The following TMPO variants were observed in gnomAD, a reference collection of about 807,000 sequenced individuals.
The protein encoded by TMPO is thymopoietin.
TMPO carries 22 observed loss-of-function variants against 45.4 expected under a neutral mutation model. The ratio of observed to expected loss-of-function variants is 0.48; its 90% confidence interval spans 0.35 to 0.69. The LOEUF (loss-of-function observed/expected upper bound fraction) is 0.69, where lower values mean the gene tolerates loss of function less well. Among genes scored for constraint, TMPO ranks in the 30% least tolerant of loss-of-function variants. The probability of loss-of-function intolerance (pLI) is 0.01; values close to 1 mark genes in which losing one functional copy is unlikely to be tolerated. For missense variants in TMPO, 512 were observed against 548.8 expected (o/e 0.93, Z 0.67); for synonymous variants, 241 against 204.1 (o/e 1.18, Z -1.54).
chr12:98,533,947 C>T (rs1377835132), intron 3 of TMPO: 1 of 1,613,886 alleles, frequency 6.2e-7, no homozygotes, highest in South Asian at 1.1e-5. Context: ...TTGCAATCAG[C>T]AGTTGGACTT....
Position 98,547,650 on chromosome 12 carries a change from T to G in TMPO, c.1157T>G (p.Phe386Cys). Residue 386 changes from phenylalanine to cysteine, a missense_variant, in exon 9 of 9, where the codon TTT becomes TGT. This residue lies in a region of TMPO where 209 missense variants were observed against 235.1 expected (regional missense o/e 0.89). Coordinates refer to ENST00000556029, the MANE Select transcript of TMPO (RefSeq NM_001032283.3). ...ELSDFRMEES[F>C]SSKYVPKYVP... ...AGTGATTTCAGGATGGAGGAGTCTT[T>G]TTCATCTAAATATGTTCCTAAGTAT... The G allele has an allele frequency of 6.2e-7, 1 of 1,614,228 alleles. No individual in the cohort carries two copies. Among genetic ancestry groups the G allele is most frequent in the Non-Finnish European group, 8.5e-7 (1 of 1,180,034 alleles).
chr12:98,524,685 C>A (rs999574067), intron 1 of TMPO, among the ~76,000 whole-genome samples: 1 of 152,156 alleles, frequency 6.6e-6, no homozygotes, highest in African/African-American at 2.4e-5. Context: ...CCTCCGCCTC[C>A]CAGATTCAAG....
Position 98,550,136 on chromosome 12 carries a change from G to A in TMPO, c.*2278G>A, listed in dbSNP as rs1344724976. On this transcript the variant is annotated 3_prime_UTR_variant, in exon 9 of 9. Coordinates refer to ENST00000556029, the MANE Select transcript of TMPO (RefSeq NM_001032283.3). ...AGTATGGTCCAAATAGCAAAAATAG[G>A]ACCAGGTGAAACATGTAGTCATTTT... is the stretch of plus-strand genomic sequence containing the variant. 1 of 152,152 alleles carries A rather than the reference G, an allele frequency of 6.6e-6. No homozygotes were observed. The highest frequency in any genetic ancestry group is 2.4e-5 in the African/African-American group (1 of 41,446). The allele number at this position is 152,152 out of a possible 1,614,324, so 9.4% of individuals were successfully genotyped here. A position where few individuals can be genotyped will look rare whatever the true frequency, so the allele number is the denominator to read the frequency against.
chr12:98,536,750 C>G (rs1384679233), intron 3 of TMPO, among the ~76,000 whole-genome samples: 2 of 152,186 alleles, frequency 1.3e-5, no homozygotes, highest in African/African-American at 2.4e-5. Flanking sequence ...TTAAAAAATA[C>G]ATATCCTTGC....
At chr12:98,536,350 A>G (rs1405701502) in intron 3 of TMPO, among the ~76,000 whole-genome samples, 1 of 152,124 alleles carries the variant, frequency 6.6e-6, no homozygotes, top group Non-Finnish European at 1.5e-5. Context: ...AATGTCTACA[A>G]AAAGGGATTT....
At chr12:98,531,397 C>T (rs1312363877) in intron 2 of TMPO, among the ~76,000 whole-genome samples, 4 of 151,622 alleles carry the variant, frequency 2.6e-5, no homozygotes, top group African/African-American at 9.7e-5. Context: ...CCACCATGCC[C>T]GGCTAATTTT....
chr12:98,537,731 T>G, intron 4 of TMPO, 159 bp downstream of exon 4: 1 of 729,636 alleles, frequency 1.4e-6, no homozygotes, highest in Non-Finnish European at 2.4e-6. Context: ...TTTGTGGGTT[T>G]TGTCAGTAGT....
intron 3 of TMPO, chr12:98,533,429 G>T: frequency 6.2e-7 from 1 of 1,614,176 alleles, no homozygotes; most frequent in Non-Finnish European, 8.5e-7. Context: ...GGTGGGGTAG[G>T]TAGTTTGCCT....
chr12:98,547,674 A>C lies in TMPO; in HGVS notation c.1181A>C (p.Tyr394Ser). The C allele has an allele frequency of 6.2e-7, 1 of 1,614,192 alleles. No homozygotes were observed. The highest frequency in any genetic ancestry group is 8.5e-7 in the Non-Finnish European group (1 of 1,180,040). ...ESFSSKYVPK[Y>S]VPLADVKSEK... ...TTTTCATCTAAATATGTTCCTAAGT[A>C]TGTTCCCTTGGCAGATGTCAAGTCA... Residue 394 changes from tyrosine to serine, a missense_variant, in exon 9 of 9, where the codon TAT (tyrosine) becomes TCT (serine). By Grantham distance (144) the Tyr-to-Ser change is moderately radical (BLOSUM62 -2). Around this residue, in one of 3 missense-constraint regions of TMPO, gnomAD observed 209 missense variants for 235.1 expected, o/e 0.89. Transcript: ENST00000556029.
chr12:98,535,527 T>C (rs1485679554), intron 3 of TMPO: 1 of 985,288 alleles, frequency 1.0e-6, no homozygotes, highest in Non-Finnish European at 1.2e-6. Context: ...TGTTGTCTTC[T>C]GAAATGTACA....
intron 4 of TMPO, 113 bp downstream of exon 4, chr12:98,537,685 T>C (rs776383486): frequency 9.5e-6 from 8 of 838,228 alleles, no homozygotes; most frequent in Non-Finnish European, 1.6e-5. Context: ...CTCAATAAAC[T>C]TAATTCTGTT....
intron 1 of TMPO, among the ~76,000 whole-genome samples, chr12:98,517,809 C>T (rs1278232749): frequency 6.6e-6 from 1 of 152,138 alleles, no homozygotes; most frequent in East Asian, 1.9e-4. Context: ...AAAAGCGTAC[C>T]CGCTTACCCG....
At chr12:98,543,114 G>A (rs184563350) in intron 4 of TMPO, among the ~76,000 whole-genome samples, 2 of 152,124 alleles carry the variant, frequency 1.3e-5, no homozygotes, top group African/African-American at 4.8e-5. Flanking sequence ...CAGCCATTTA[G>A]GCATATTTAT....
intron 1 of TMPO, among the ~76,000 whole-genome samples, chr12:98,519,574 T>C (rs1876170500): frequency 6.6e-6 from 1 of 152,242 alleles, no homozygotes; most frequent in Admixed American, 6.5e-5. Context: ...CATTTAATTA[T>C]TTCATCCATA....
At position 98,545,037 on chromosome 12, in the gene TMPO, A is replaced by G. The variant is rs1878142404; in HGVS notation, c.966A>G (p.Pro322=). The change falls in exon 7 of 9, where the codon CCA becomes CCG. Residue 322 remains proline (P), a synonymous_variant. Transcript: ENST00000556029. ...TCTCAGACATACCCAGAAGAGCACC[A>G]AAGAAACCATTGACAAGAGCTGAAG... ...TEFSDIPRRA[P]KKPLTRAEVG... is the part of the protein sequence containing the mutation. 2 of 1,613,412 alleles carry G rather than the reference A, an allele frequency of 1.2e-6. No homozygotes were observed. Among genetic ancestry groups the G allele is most frequent in the East Asian group, 2.2e-5 (1 of 44,836 alleles).
chr12:98,544,718 T>C (rs1565816792), intron 6 of TMPO, 181 bp downstream of exon 6: 3 of 650,432 alleles, frequency 4.6e-6, no homozygotes, highest in Non-Finnish European at 7.9e-6. Flanking sequence ...ATCCAATTTA[T>C]GTAAAGAAAT....
chr12:98,527,068 C>G (rs1428599077), intron 1 of TMPO, among the ~76,000 whole-genome samples: 1 of 151,822 alleles, frequency 6.6e-6, no homozygotes, highest in Non-Finnish European at 1.5e-5. Flanking sequence ...TAAGGATTAT[C>G]AAAAAGTTAG....
At chr12:98,532,419 A>G in intron 3 of TMPO, 1 of 195,464 alleles carries the variant, frequency 5.1e-6, no homozygotes, top group East Asian at 1.4e-4. Flanking sequence ...TTCTCTATTG[A>G]TAGGCATTTA....
intron 7 of TMPO, among the ~76,000 whole-genome samples, chr12:98,545,657 A>G: frequency 6.6e-6 from 1 of 152,164 alleles, no homozygotes; most frequent in East Asian, 1.9e-4. Context: ...CATATAGTAA[A>G]GTTTGCTAAA....
Sources: allele counts gnomAD v4.1 joint callset (sites outside exome capture counted in the v4.1 genomes callset), GRCh38; gene constraint gnomAD v4.1.1; regional missense constraint gnomAD v4.1.1; transcripts MANE v1.5; gene names NCBI Gene and HGNC (gene_info 2026-07-23, HGNC 2026-07-21).